Variants in DLG2 observed in about 807,000 individuals in gnomAD.
DLG2 encodes the protein discs large MAGUK scaffold protein 2.
DLG2 carries 45 observed loss-of-function variants against 132.5 expected under a neutral mutation model. That is an observed-to-expected ratio of 0.34 (90% CI 0.27 to 0.44). DLG2 has a LOEUF of 0.44. Ranked by LOEUF, DLG2 falls within the 20% of genes least tolerant of loss-of-function variation. DLG2 has a pLI of 1.00. For missense variants in DLG2, 1,045 were observed against 1,196.9 expected (o/e 0.87, Z 1.87); for synonymous variants, 424 against 419.6 (o/e 1.01, Z -0.13).
intron 7 of DLG2, among the ~76,000 whole-genome samples, chr11:84,405,893 T>A (rs1279879035): frequency 2.0e-5 from 3 of 152,124 alleles, no homozygotes; most frequent in African/African-American, 7.2e-5. Flanking sequence ...TATTTGAGGA[T>A]CCCTTACTTC....
chr11:85,110,597 A>T (rs764512272), intron 6 of DLG2, among the ~76,000 whole-genome samples: 12 of 151,964 alleles, frequency 7.9e-5, no homozygotes, highest in South Asian at 2.1e-4. Flanking sequence ...TAGCATCACC[A>T]TCTCTCCTTC....
At chr11:85,058,561 G>A (rs79471253) in intron 6 of DLG2, among the ~76,000 whole-genome samples, 2,944 of 151,548 alleles carry the variant, frequency 0.019, 50 homozygotes, top group Admixed American at 0.04. Flanking sequence ...ATATGGAAAT[G>A]CAAATATACA....
intron 10 of DLG2, among the ~76,000 whole-genome samples, chr11:84,080,741 C>T (rs2154154675): frequency 6.6e-6 from 1 of 152,190 alleles, no homozygotes; most frequent in African/African-American, 2.4e-5. Context: ...CATAAAATCC[C>T]AGACCTTTGG....
At chr11:84,402,124 T>C (rs2098831696) in intron 7 of DLG2, among the ~76,000 whole-genome samples, 1 of 152,150 alleles carries the variant, frequency 6.6e-6, no homozygotes. Context: ...AAAAATTAAA[T>C]ACCTGAAAAT....
intron 16 of DLG2, among the ~76,000 whole-genome samples, chr11:83,870,129 G>T (rs1357379265): frequency 6.6e-6 from 1 of 152,052 alleles, no homozygotes; most frequent in Non-Finnish European, 1.5e-5. Flanking sequence ...AACCATTTCA[G>T]CTTTTAAAAA....
intron 2 of DLG2, among the ~76,000 whole-genome samples, chr11:85,600,540 T>C (rs1356445778): frequency 1.3e-5 from 2 of 152,190 alleles, no homozygotes; most frequent in African/African-American, 4.8e-5. Flanking sequence ...TAATAAGATA[T>C]ACAACCTTTA....
intron 11 of DLG2, among the ~76,000 whole-genome samples, chr11:83,991,534 CT>C (rs1001563037): frequency 1.3e-5 from 2 of 151,644 alleles, no homozygotes; most frequent in Admixed American, 6.6e-5. Context: ...TTTCTTTTTT[CT>C]TTTTTTCTCT....
intron 8 of DLG2, among the ~76,000 whole-genome samples, chr11:84,222,550 C>A (rs968345460): frequency 2.6e-5 from 4 of 152,138 alleles, no homozygotes; most frequent in African/African-American, 9.7e-5. Context: ...TATCTAAAAT[C>A]TTTTCTGAGC....
intron 18 of DLG2, among the ~76,000 whole-genome samples, chr11:83,734,198 G>T (rs2091501355): frequency 6.6e-6 from 1 of 151,350 alleles, no homozygotes; most frequent in South Asian, 2.1e-4. Context: ...ATCATTTGTT[G>T]CCCACACTAT....
intron 19 of DLG2, 24 bp from the exon 20 acceptor site, chr11:83,541,882 C>G (rs769465782): frequency 6.4e-7 from 1 of 1,566,972 alleles, no homozygotes. Flanking sequence ...CAAAAGAGGA[C>G]ATTGTTAGGA....
intron 3 of DLG2, among the ~76,000 whole-genome samples, chr11:85,378,531 A>G (rs979947012): frequency 2.0e-5 from 3 of 152,254 alleles, no homozygotes; most frequent in Admixed American, 2.0e-4. Context: ...CAGCCATTAA[A>G]CTTATAATCA....
At chr11:85,120,111 G>A (rs867221127) in intron 5 of DLG2, among the ~76,000 whole-genome samples, 8 of 152,000 alleles carry the variant, frequency 5.3e-5, no homozygotes, top group South Asian at 2.1e-4. Flanking sequence ...TTCTCTTATC[G>A]GAGGATTTTC....
intron 6 of DLG2, among the ~76,000 whole-genome samples, chr11:84,852,490 T>A (rs2082276169): frequency 6.6e-6 from 1 of 152,018 alleles, no homozygotes; most frequent in African/African-American, 2.4e-5. Flanking sequence ...TAGGAAAGAA[T>A]GTCACCGGCA....
intron 18 of DLG2, among the ~76,000 whole-genome samples, chr11:83,702,050 C>T (rs1295361490): frequency 1.3e-4 from 20 of 152,168 alleles, no homozygotes; most frequent in Admixed American, 1.3e-3. Context: ...GTATAAGATA[C>T]CTGCTGAAAG....
At chr11:85,609,508 G>T (rs1011991520) in intron 2 of DLG2, among the ~76,000 whole-genome samples, 2 of 152,170 alleles carry the variant, frequency 1.3e-5, no homozygotes, top group Admixed American at 1.3e-4. Context: ...ACTCGGTAGG[G>T]CTTGTTATCA....
At chr11:84,870,140 T>G (rs1316327889) in intron 6 of DLG2, among the ~76,000 whole-genome samples, 1 of 152,228 alleles carries the variant, frequency 6.6e-6, no homozygotes, top group Non-Finnish European at 1.5e-5. Context: ...GGAGTACATA[T>G]ATGCCATCAA....
intron 14 of DLG2, among the ~76,000 whole-genome samples, chr11:83,939,603 C>T (rs1389528713): frequency 6.6e-6 from 1 of 152,148 alleles, no homozygotes; most frequent in African/African-American, 2.4e-5. Flanking sequence ...TACTCTACCT[C>T]TAAAATAATT....
intron 7 of DLG2, among the ~76,000 whole-genome samples, chr11:84,439,846 T>G (rs1260312195): frequency 2.0e-5 from 3 of 152,186 alleles, no homozygotes; most frequent in African/African-American, 7.2e-5. Flanking sequence ...AAATTTTGTT[T>G]TTAACACCTT....
chr11:85,579,503 A>G (rs935805297), intron 3 of DLG2, among the ~76,000 whole-genome samples: 4 of 152,244 alleles, frequency 2.6e-5, no homozygotes, highest in African/African-American at 9.6e-5. Flanking sequence ...GGACACGATC[A>G]GGTATGTCAA....
Sources: gnomAD v4.1 joint callset for allele counts (sites outside exome capture counted in the v4.1 genomes callset) on GRCh38, gnomAD v4.1.1 for gene constraint, MANE v1.5 for transcripts, NCBI Gene and HGNC (gene_info 2026-07-23, HGNC 2026-07-21) for gene names.